Variants in GRM8 observed in about 807,000 individuals in gnomAD.
The protein encoded by GRM8 is glutamate metabotropic receptor 8.
A neutral mutation model predicts 87.2 loss-of-function variants in GRM8; 47 were observed. The observed-to-expected ratio is 0.54, with a 90% CI of 0.43 to 0.69. The LOEUF is 0.69. Among genes scored for constraint, GRM8 ranks in the 30% least tolerant of loss-of-function variants. GRM8 has a pLI of 0.00. For synonymous variants in GRM8, 396 were observed against 404.5 expected (o/e 0.98, Z 0.25); for missense variants, 1,019 against 1,139.2 (o/e 0.89, Z 1.52).
intron 7 of GRM8, among the ~76,000 whole-genome samples, chr7:126,705,278 G>T (rs1214537487): frequency 6.6e-6 from 1 of 152,070 alleles, no homozygotes; most frequent in African/African-American, 2.4e-5. Flanking sequence ...TCCTAGCATT[G>T]CAGGATACCA....
chr7:127,183,618 T>TA (rs556921764), intron 2 of GRM8, among the ~76,000 whole-genome samples: 58 of 149,926 alleles, frequency 3.9e-4, no homozygotes, highest in Admixed American at 1.1e-3. Context: ...AAACTTTCTC[T>TA]AAAAAAAAAC....
At chr7:127,120,227 T>G (rs1359680022) in intron 2 of GRM8, among the ~76,000 whole-genome samples, 1 of 152,162 alleles carries the variant, frequency 6.6e-6, no homozygotes, top group Non-Finnish European at 1.5e-5. Flanking sequence ...TAGCCCTCCC[T>G]TTTTTATACC....
intron 9 of GRM8, among the ~76,000 whole-genome samples, chr7:126,450,866 T>G (rs1306402912): frequency 6.6e-6 from 1 of 151,842 alleles, no homozygotes; most frequent in Non-Finnish European, 1.5e-5. Context: ...TCTTCCTAGT[T>G]TCATTGCTTA....
At chr7:126,787,840 A>T (rs1473693028) in intron 6 of GRM8, among the ~76,000 whole-genome samples, 3 of 152,134 alleles carry the variant, frequency 2.0e-5, no homozygotes, top group Non-Finnish European at 4.4e-5. Context: ...TTCATTAACT[A>T]GGGTAAATTC....
At chr7:126,765,752 C>G (rs1304891723) in intron 7 of GRM8, among the ~76,000 whole-genome samples, 1 of 151,714 alleles carries the variant, frequency 6.6e-6, no homozygotes, top group Non-Finnish European at 1.5e-5. Flanking sequence ...TAAAAGTAAC[C>G]CTAAAAGGAA....
chr7:127,191,067 G>A (rs1167176379), intron 2 of GRM8, among the ~76,000 whole-genome samples: 1 of 152,104 alleles, frequency 6.6e-6, no homozygotes, highest in Non-Finnish European at 1.5e-5. Flanking sequence ...AATTATTTCA[G>A]TATTTTAAAT....
At chr7:127,051,738 G>GGAAAAAAAAAAAAAAAAAAA (rs1563454593) in intron 3 of GRM8, among the ~76,000 whole-genome samples, 1 of 13,050 alleles carries the variant, frequency 7.7e-5, no homozygotes, top group African/African-American at 1.9e-4. Flanking sequence ...ATAATGTTGA[G>GGAAAAAAAAAAAAAAAAAAA]CAAAAAAAAA....
intron 3 of GRM8, among the ~76,000 whole-genome samples, chr7:127,030,819 A>T (rs1180462028): frequency 6.6e-6 from 1 of 152,066 alleles, no homozygotes; most frequent in African/African-American, 2.4e-5. Context: ...CCTACATGAC[A>T]TCCCTTTTAA....
chr7:126,789,178 G>A (rs1010557823), intron 6 of GRM8, among the ~76,000 whole-genome samples: 6 of 151,842 alleles, frequency 4.0e-5, no homozygotes, highest in Non-Finnish European at 7.4e-5. Flanking sequence ...TGCATTTCCT[G>A]CTTGCCAGAA....
At chr7:127,165,190 A>ATG (rs1793377168) in intron 2 of GRM8, among the ~76,000 whole-genome samples, 3 of 105,736 alleles carry the variant, frequency 2.8e-5, no homozygotes, top group African/African-American at 1.1e-4. Context: ...ATATATATAT[A>ATG]TATTCAGGTT....
At chr7:126,507,499 T>C (rs1456763882) in intron 9 of GRM8, among the ~76,000 whole-genome samples, 1 of 152,120 alleles carries the variant, frequency 6.6e-6, no homozygotes, top group Non-Finnish European at 1.5e-5. Context: ...TTAGAGTTTG[T>C]TATTAGCATA....
At chr7:126,864,540 T>C (rs1798430688) in intron 6 of GRM8, among the ~76,000 whole-genome samples, 1 of 152,184 alleles carries the variant, frequency 6.6e-6, no homozygotes, top group South Asian at 2.1e-4. Flanking sequence ...TAGTTCTTCA[T>C]AACTGCCTAC....
At chr7:127,060,811 C>CAA (rs11397438) in intron 3 of GRM8, among the ~76,000 whole-genome samples, 4,005 of 149,368 alleles carry the variant, frequency 0.027, 92 homozygotes, top group African/African-American at 0.061. Flanking sequence ...ATGCATGTAG[C>CAA]AAAAAAAAAA....
chr7:126,668,084 C>G (rs1181597531), intron 7 of GRM8, among the ~76,000 whole-genome samples: 1 of 152,136 alleles, frequency 6.6e-6, no homozygotes, highest in Non-Finnish European at 1.5e-5. Flanking sequence ...CCCTTTGCAG[C>G]GGTGAGGAGC....
At chr7:126,914,514 A>G (rs1803669848) in intron 3 of GRM8, among the ~76,000 whole-genome samples, 1 of 152,218 alleles carries the variant, frequency 6.6e-6, no homozygotes, top group African/African-American at 2.4e-5. Context: ...ACGTGGAATC[A>G]ACCTAGGTGC....
chr7:126,886,546 A>G (rs1800518022), intron 6 of GRM8, among the ~76,000 whole-genome samples: 1 of 152,122 alleles, frequency 6.6e-6, no homozygotes, highest in Non-Finnish European at 1.5e-5. Context: ...AGAGGGAAGG[A>G]GCTAATAACA....
At chr7:126,606,558 A>T (rs1798369607) in intron 8 of GRM8, among the ~76,000 whole-genome samples, 1 of 152,186 alleles carries the variant, frequency 6.6e-6, no homozygotes, top group Non-Finnish European at 1.5e-5. Flanking sequence ...ACCTTCAAGC[A>T]GGTGACTAAT....
chr7:126,876,675 GC>G (rs777200498), intron 6 of GRM8, among the ~76,000 whole-genome samples: 26 of 152,264 alleles, frequency 1.7e-4, no homozygotes, highest in South Asian at 4.1e-4. Flanking sequence ...TATAAACTCA[GC>G]AAGGGACTTA....
At position 126,770,084 on chromosome 7, in the gene GRM8, A is replaced by T; in HGVS notation, c.1157-19T>A. On this transcript the variant is annotated intron_variant, in intron 6 of 10. Coordinates refer to ENST00000339582, the MANE Select transcript of GRM8 (RefSeq NM_000845.3). ...TCCAGCCCTGCAAAATAAAAAAGTA[A>T]AAACCATCAGTTGATGTTAGATTCC... The T allele has an allele frequency of 1.9e-6, 3 of 1,563,084 alleles. No homozygotes were observed. Among genetic ancestry groups the T allele is most frequent in the Non-Finnish European group, 2.6e-6 (3 of 1,139,686 alleles).
Sources: gnomAD v4.1 joint callset for allele counts (sites outside exome capture counted in the v4.1 genomes callset) on GRCh38, gnomAD v4.1.1 for gene constraint, MANE v1.5 for transcripts, NCBI Gene and HGNC (gene_info 2026-07-23, HGNC 2026-07-21) for gene names.